AHCTF1: variants seen among roughly 807,000 people sequenced by gnomAD.
AHCTF1 encodes protein ELYS.
In AHCTF1, 24 loss-of-function variants were observed where a neutral mutation model predicts 248.4. The observed-to-expected ratio is 0.10, with a 90% CI of 0.07 to 0.14. The LOEUF (loss-of-function observed/expected upper bound fraction) is 0.14, where lower values mean the gene tolerates loss of function less well. Among genes scored for constraint, AHCTF1 ranks in the 10% least tolerant of loss-of-function variants. The pLI is 1.00. For synonymous variants in AHCTF1, 786 were observed against 929.8 expected (o/e 0.85, Z 2.81); for missense variants, 2,206 against 2,636.2 (o/e 0.84, Z 3.57).
intron 1 of AHCTF1, among the ~76,000 whole-genome samples, chr1:246,930,134 G>C (rs1030013000): frequency 1.3e-5 from 2 of 151,700 alleles, no homozygotes; most frequent in Non-Finnish European, 2.9e-5. Context: ...GATGTATAAC[G>C]ATCTTTTTTA....
rs1164338366 is a variant in AHCTF1, at chr1:246,900,378, A to T, written c.1209T>A (p.Asp403Glu). The T allele has an allele frequency of 2.5e-6, 4 of 1,594,992 alleles. No homozygotes were observed. The highest frequency in any genetic ancestry group is 2.6e-6 in the Non-Finnish European group (3 of 1,176,070). ...GKPSVYLGLF[D>E]INRWYHAQMP... ...TTTGTGCATGATACCAACGATTTAT[A>T]TCAAAAAGCCCCAAATATACAGAAG... is the stretch of plus-strand genomic sequence containing the variant. Residue 403 changes from aspartate (D) to glutamate (E), a missense_variant, in exon 9 of 36, where the codon GAT becomes GAA. Asp to Glu is a conservative substitution (Grantham distance 45). Transcript: ENST00000648844.
chr1:246,888,301 T>C (rs1663972381), intron 18 of AHCTF1, 68 bp from the exon 19 acceptor site: 2 of 1,612,222 alleles, frequency 1.2e-6, no homozygotes, highest in Admixed American at 1.7e-5. Context: ...TGCTTCTTGT[T>C]TTCCCAAGTT....
chr1:246,888,090 G>T, intron 19 of AHCTF1, 87 bp downstream of exon 19: 1 of 1,423,278 alleles, frequency 7.0e-7, no homozygotes, highest in Non-Finnish European at 9.7e-7. Flanking sequence ...ATTCAACCTT[G>T]CAATTAGATA....
At chr1:246,910,510 G>A (rs1258832051) in intron 4 of AHCTF1, among the ~76,000 whole-genome samples, 1 of 152,134 alleles carries the variant, frequency 6.6e-6, no homozygotes, top group East Asian at 1.9e-4. Flanking sequence ...GGAGGAAAGG[G>A]GAATGAACTA....
At chr1:246,889,841 G>A in intron 17 of AHCTF1, 125 bp downstream of exon 17, 1 of 623,566 alleles carries the variant, frequency 1.6e-6, no homozygotes, top group South Asian at 2.3e-5. Context: ...AATAGTAATG[G>A]TAATAGCAAA....
chr1:246,927,763 G>C (rs916497904), intron 1 of AHCTF1, among the ~76,000 whole-genome samples: 1 of 152,114 alleles, frequency 6.6e-6, no homozygotes, highest in South Asian at 2.1e-4. Context: ...CCAGTACTTT[G>C]GGAGGCCGAG....
At chr1:246,890,174 G>T in intron 16 of AHCTF1, 115 bp from the exon 17 acceptor site, 4 of 666,402 alleles carry the variant, frequency 6.0e-6, no homozygotes, top group Non-Finnish European at 1.0e-5. Flanking sequence ...TAACCCACAG[G>T]GTGGGTATAT....
intron 3 of AHCTF1, 71 bp from the exon 4 acceptor site, chr1:246,913,483 A>G (rs534722576): frequency 6.9e-7 from 1 of 1,442,082 alleles, no homozygotes; most frequent in Non-Finnish European, 9.4e-7. Flanking sequence ...AATAAATTTA[A>G]GTTAAAGCAG....
intron 1 of AHCTF1, chr1:246,931,020 A>C: frequency 3.5e-6 from 5 of 1,409,164 alleles, no homozygotes; most frequent in Non-Finnish European, 4.7e-6. Context: ...AAGGCAAAGC[A>C]CCCCAAGATG....
chr1:246,901,993 A>AC (rs1665034476), intron 8 of AHCTF1, among the ~76,000 whole-genome samples: 1 of 152,226 alleles, frequency 6.6e-6, no homozygotes, highest in African/African-American at 2.4e-5. Context: ...TTTAATCCTC[A>AC]CAACTACCCT....
intron 1 of AHCTF1, among the ~76,000 whole-genome samples, chr1:246,922,029 T>C (rs1666580017): frequency 6.6e-6 from 1 of 152,212 alleles, no homozygotes; most frequent in Non-Finnish European, 1.5e-5. Flanking sequence ...TAAAGATACA[T>C]TGGTATATTT....
intron 6 of AHCTF1, among the ~76,000 whole-genome samples, chr1:246,904,777 T>C (rs1572445135): frequency 6.6e-6 from 1 of 152,150 alleles, no homozygotes; most frequent in South Asian, 2.1e-4. Flanking sequence ...TACTAGTTGA[T>C]CCCTTTTAAT....
At chr1:246,878,009 T>C (rs1489934635) in intron 21 of AHCTF1, among the ~76,000 whole-genome samples, 1 of 151,618 alleles carries the variant, frequency 6.6e-6, no homozygotes, top group East Asian at 1.9e-4. Context: ...TCTATAAAAA[T>C]TATAATTAAA....
intron 20 of AHCTF1, 84 bp downstream of exon 20, chr1:246,887,127 C>T: frequency 6.8e-7 from 1 of 1,464,828 alleles, no homozygotes. Context: ...TGTATCATAT[C>T]TTTTAATACC....
intron 24 of AHCTF1, among the ~76,000 whole-genome samples, chr1:246,872,051 C>CAAAAAAAAAAAAAAAAAAAAAAA: frequency 1.2e-5 from 1 of 83,728 alleles, no homozygotes; most frequent in Non-Finnish European, 2.7e-5. Context: ...CTATTAATGA[C>CAAAAAAAAAAAAAAAAAAAAAAA]AAAAAAAAAA....
chr1:246,850,316 G>A lies in AHCTF1; in HGVS notation c.5690C>T (p.Thr1897Ile). The change falls in exon 33 of 36, where the codon ACA becomes ATA. Residue 1897 changes from threonine (T) to isoleucine (I), a missense_variant. Coordinates refer to ENST00000648844, the MANE Select transcript of AHCTF1 (RefSeq NM_001323342.2). The stretch of plus-strand genomic sequence containing the variant: ...TTTTCTGATCATTCTGCTAGGACTT[G>A]TTACCGTACTAACTTTTAGATCATT... ...IINDLKVSTV[T>I]SPSRMIRKLR... is the part of the protein sequence containing the mutation. 1 of 1,613,816 alleles carries A rather than the reference G, an allele frequency of 6.2e-7. No homozygotes were observed.
Position 246,840,045 on chromosome 1 carries a change from G to A in AHCTF1, c.*761C>T, listed in dbSNP as rs1659745065. ...TCCTATCAATATTAGGCACATACAA[G>A]ATGCACTCAATATCCATAAACAGAT... On this transcript the variant is annotated 3_prime_UTR_variant, in exon 36 of 36. Coordinates refer to ENST00000648844, the MANE Select transcript of AHCTF1 (RefSeq NM_001323342.2). 6.6e-6 allele frequency: 1 copy of A among 152,508 alleles called. No individual in the cohort carries two copies. Among genetic ancestry groups the A allele is most frequent in the South Asian group, 2.1e-4 (1 of 4,828 alleles). The allele number at this position is 152,508 out of a possible 1,614,324, so 9.4% of individuals were successfully genotyped here.
intron 24 of AHCTF1, among the ~76,000 whole-genome samples, chr1:246,871,951 C>T (rs915331065): frequency 6.6e-6 from 1 of 151,456 alleles, no homozygotes; most frequent in African/African-American, 2.4e-5. Flanking sequence ...CCCAGACATC[C>T]TACTCCACAA....
intron 33 of AHCTF1, among the ~76,000 whole-genome samples, chr1:246,845,152 T>A (rs544384555): frequency 2.0e-5 from 3 of 152,232 alleles, no homozygotes; most frequent in Non-Finnish European, 4.4e-5. Context: ...GCTACTGGGA[T>A]AGTCAAGAGT....
Sources: allele counts gnomAD v4.1 joint callset (sites outside exome capture counted in the v4.1 genomes callset), GRCh38; gene constraint gnomAD v4.1.1; transcripts MANE v1.5; gene names NCBI Gene and HGNC (gene_info 2026-07-23, HGNC 2026-07-21).